The following PDE1A variants were observed in gnomAD, a reference collection of about 807,000 sequenced individuals.
PDE1A encodes dual specificity calcium/calmodulin-dependent 3',5'-cyclic nucleotide phosphodiesterase 1A.
Under a neutral mutation model 61.7 loss-of-function variants are expected in PDE1A, and 35 were observed. The ratio of observed to expected loss-of-function variants is 0.57; its 90% confidence interval spans 0.43 to 0.75. PDE1A has a LOEUF of 0.75. Ranked by LOEUF, PDE1A falls within the 30% of genes least tolerant of loss-of-function variation. PDE1A has a pLI of 0.00. For synonymous variants in PDE1A, 232 were observed against 213.2 expected, an observed-to-expected ratio of 1.09 and a Z score of -0.77; for missense variants, 597 against 630.6, an observed-to-expected ratio of 0.95 and a Z score of 0.57.
At chr2:182,185,348 T>C (rs1430338082) in intron 13 of PDE1A, among the ~76,000 whole-genome samples, 1 of 152,210 alleles carries the variant, frequency 6.6e-6, no homozygotes, top group African/African-American at 2.4e-5. Context: ...AATGGACTAA[T>C]TAATTTGAAG....
At chr2:182,210,425 A>G (rs1344852858) in intron 7 of PDE1A, among the ~76,000 whole-genome samples, 1 of 152,200 alleles carries the variant, frequency 6.6e-6, no homozygotes, top group Non-Finnish European at 1.5e-5. Context: ...ATCTTTTCAT[A>G]TGCCTATTTG....
intron 1 of PDE1A, among the ~76,000 whole-genome samples, chr2:182,274,477 C>A (rs1232182971): frequency 1.3e-5 from 2 of 151,982 alleles, no homozygotes; most frequent in African/African-American, 4.8e-5. Context: ...GCATAGAAGT[C>A]CTTCTGTTAC....
chr2:182,186,705 A>G, intron 11 of PDE1A, 117 bp from the exon 12 acceptor site: 2 of 941,508 alleles, frequency 2.1e-6, no homozygotes, highest in Non-Finnish European at 3.2e-6. Flanking sequence ...AGAATCAACT[A>G]AAATATTGGT....
At chr2:182,575,007 C>T in the PDE1A span, among the ~76,000 whole-genome samples, 10 of 152,248 alleles carry the variant, frequency 6.6e-5, no homozygotes, top group South Asian at 2.1e-3. Context: ...CCACTGTGCC[C>T]AGCCTACAGT....
At chr2:182,522,353 A>T (rs201395197) in exon 2 of PDE1A, 2 of 1,613,532 alleles carry the variant, frequency 1.2e-6, no homozygotes, top group African/African-American at 2.7e-5. Flanking sequence ...CCAATTCTTC[A>T]ATCTCTGTGG....
chr2:182,429,868 G>A (rs1703842100), upstream of PDE1A, among the ~76,000 whole-genome samples: 1 of 152,112 alleles, frequency 6.6e-6, no homozygotes, highest in Non-Finnish European at 1.5e-5. Flanking sequence ...TTGATATTAT[G>A]CCATCCCAAG....
chr2:182,405,438 G>C (rs1446214020), intron 1 of PDE1A, among the ~76,000 whole-genome samples: 1 of 152,162 alleles, frequency 6.6e-6, no homozygotes, highest in Non-Finnish European at 1.5e-5. Context: ...ATTTTATCAA[G>C]CGGTCCTGAC....
At chr2:182,192,165 G>A (rs1474971937) in intron 10 of PDE1A, among the ~76,000 whole-genome samples, 3 of 152,006 alleles carry the variant, frequency 2.0e-5, no homozygotes, top group Admixed American at 2.0e-4. Context: ...CCACTTTCTT[G>A]AGCTAAATTT....
intron 2 of PDE1A, among the ~76,000 whole-genome samples, chr2:182,255,510 C>T (rs984282563): frequency 9.2e-5 from 14 of 152,124 alleles, no homozygotes; most frequent in Non-Finnish European, 1.5e-5. Flanking sequence ...AGCGCATTTA[C>T]CCATGCTAAG....
At chr2:182,547,792 A>G in the PDE1A span, among the ~76,000 whole-genome samples, 1 of 152,268 alleles carries the variant, frequency 6.6e-6, no homozygotes, top group Non-Finnish European at 1.5e-5. Flanking sequence ...TAGAATAAAT[A>G]CTAATATATT....
chr2:182,328,465 G>A (rs909722515), intron 1 of PDE1A, among the ~76,000 whole-genome samples: 1 of 152,124 alleles, frequency 6.6e-6, no homozygotes, highest in Non-Finnish European at 1.5e-5. Flanking sequence ...AAGTTGGGGA[G>A]AGAAATAAAG....
upstream of PDE1A, among the ~76,000 whole-genome samples, chr2:182,430,968 A>C: frequency 1.3e-5 from 1 of 79,382 alleles, no homozygotes. Context: ...GGGGTCGGGG[A>C]GGGGGGAGGG....
At chr2:182,678,126 T>A in the PDE1A span, among the ~76,000 whole-genome samples, 2 of 152,116 alleles carry the variant, frequency 1.3e-5, no homozygotes, top group Admixed American at 1.3e-4. Context: ...GTAACGCCAT[T>A]AAGAAAGAGA....
At chr2:182,663,777 C>T in the PDE1A span, among the ~76,000 whole-genome samples, 369 of 151,798 alleles carry the variant, frequency 2.4e-3, 2 homozygotes, top group African/African-American at 8.5e-3. Context: ...CCGCATGACA[C>T]AAGTTTACCT....
At chr2:182,689,917 C>T in the PDE1A span, among the ~76,000 whole-genome samples, 1 of 152,146 alleles carries the variant, frequency 6.6e-6, no homozygotes, top group Admixed American at 6.5e-5. Context: ...TGCAAATAAA[C>T]TAGAAAATTT....
chr2:182,243,216 A>C (rs1472674556), intron 2 of PDE1A, among the ~76,000 whole-genome samples: 2 of 152,198 alleles, frequency 1.3e-5, no homozygotes, highest in African/African-American at 2.4e-5. Context: ...GTGATTAAAA[A>C]TTGAAAAAAT....
At chr2:182,671,723 C>A in the PDE1A span, among the ~76,000 whole-genome samples, 2 of 151,174 alleles carry the variant, frequency 1.3e-5, no homozygotes, top group Non-Finnish European at 2.9e-5. Flanking sequence ...AGGTTCACAC[C>A]ACTTTCCTAC....
intron 4 of PDE1A, among the ~76,000 whole-genome samples, chr2:182,233,352 C>A (rs559090828): frequency 7.2e-4 from 110 of 152,096 alleles, no homozygotes; most frequent in Middle Eastern, 6.8e-3. Context: ...AGTGCACAAC[C>A]CTCACACGCA....
chr2:182,426,963 C>T lies in PDE1A; in HGVS notation c.-333G>A, dbSNP rs935042004. 3.5e-5 allele frequency: 36 copies of T among 1,042,588 alleles called. No individual in the cohort carries two copies. Among genetic ancestry groups the T allele is most frequent in the Non-Finnish European group, 4.2e-5 (36 of 867,302 alleles). The allele number at this position is 1,042,588 out of a possible 1,614,324, so 64.6% of individuals were successfully genotyped here. A position where few individuals can be genotyped will look rare whatever the true frequency, so the allele number is the denominator to read the frequency against. On this transcript the variant is annotated 5_prime_UTR_variant, in exon 1 of 14. The change abolishes an upstream ATG in the 5' untranslated region. Transcript: ENST00000351439. ...AACAGAAAACTTCCTACCCCAGTGTCATCCAGGTAGGAACTCCCTAAGTTA... is the reference window on the plus strand; with the variant it reads ...AACAGAAAACTTCCTACCCCAGTGTTATCCAGGTAGGAACTCCCTAAGTTA...
Sources: gnomAD v4.1 joint callset for allele counts (sites outside exome capture counted in the v4.1 genomes callset) on GRCh38, gnomAD v4.1.1 for gene constraint, MANE v1.5 for transcripts, NCBI Gene and HGNC (gene_info 2026-07-23, HGNC 2026-07-21) for gene names.